The following PMM1 variants were observed in gnomAD, a reference collection of about 807,000 sequenced individuals.
The protein encoded by PMM1 is brain glucose-1,6-bisphosphatase.
PMM1 carries 25 observed loss-of-function variants against 34.0 expected under a neutral mutation model. That is an observed-to-expected ratio of 0.73 (90% CI 0.54 to 1.03). The LOEUF is 1.03. Ranked by LOEUF, PMM1 falls within the 50% of genes least tolerant of loss-of-function variation. The probability of loss-of-function intolerance (pLI) is 0.00; values close to 1 mark genes in which losing one functional copy is unlikely to be tolerated. For missense variants in PMM1, 321 were observed against 350.1 expected, an observed-to-expected ratio of 0.92 and a Z score of 0.66; for synonymous variants, 134 against 143.9, an observed-to-expected ratio of 0.93 and a Z score of 0.49.
intron 1 of PMM1, 71 bp downstream of exon 1, chr22:41,589,648 G>C (rs1224078992): frequency 3.8e-6 from 5 of 1,319,232 alleles, no homozygotes; most frequent in Middle Eastern, 2.2e-4. Context: ...CGCTGCTGCA[G>C]ACCCCACACT....
Position 41,577,367 on chromosome 22 carries a change from A to G in PMM1, c.740T>C (p.Val247Ala). The change falls in exon 8 of 8, where the codon GTG becomes GCG. Residue 247 changes from valine (V) to alanine (A), a missense_variant. Transcript: ENST00000216259. ...GHSVVSPQDT[V>A]QRCREIFFPE... ...GAAGAAAATCTCCCGGCATCGCTGC[A>G]CCGTGTCCTGAGGAGACACCACGCT... 6.2e-7 allele frequency: 1 copy of G among 1,612,984 alleles called. No homozygotes were observed. The highest frequency in any genetic ancestry group is 8.5e-7 in the Non-Finnish European group (1 of 1,180,012).
At chr22:41,588,605 A>T (rs2067340755) in intron 1 of PMM1, 1 of 963,170 alleles carries the variant, frequency 1.0e-6, no homozygotes, top group Non-Finnish European at 1.2e-6. Flanking sequence ...TCTGCCCACC[A>T]TGGCCTCCCA....
At chr22:41,580,004 C>T (rs2067224024) in intron 5 of PMM1, 1 of 152,364 alleles carries the variant, frequency 6.6e-6, no homozygotes, top group Admixed American at 6.5e-5. Context: ...GGTAGGTGGG[C>T]CCCAGGGAGG....
chr22:41,587,795 G>A (rs945453586), intron 1 of PMM1, among the ~76,000 whole-genome samples: 13 of 152,270 alleles, frequency 8.5e-5, no homozygotes, highest in African/African-American at 2.6e-4. Context: ...TTGGGGAGCC[G>A]GCCAGGCTCC....
chr22:41,580,017 A>G (rs2067224441), intron 5 of PMM1: 1 of 152,362 alleles, frequency 6.6e-6, no homozygotes, highest in Admixed American at 6.5e-5. Context: ...CAGGGAGGCC[A>G]GAGTCCCCAC....
chr22:41,582,403 G>T (rs963330767), intron 5 of PMM1, among the ~76,000 whole-genome samples: 1 of 152,104 alleles, frequency 6.6e-6, no homozygotes, highest in African/African-American at 2.4e-5. Context: ...AGGCTGCAGT[G>T]AGCTAGGACT....
intron 2 of PMM1, chr22:41,585,551 G>A (rs2067298583): frequency 6.6e-6 from 1 of 152,098 alleles, no homozygotes; most frequent in South Asian, 2.1e-4. Flanking sequence ...GAGTGCAGTG[G>A]CCTGATCTTG....
In PMM1 at chr22:41,584,558, T is replaced by C; in HGVS notation, c.251A>G (p.Gln84Arg). ...GGAGAGCAGTCGTCCGTGCTTATAC[T>C]GCACCGTCCCGTTCTCGGCAAACAC... ...DYVFAENGTV[Q>R]YKHGRLLSKQ... is the part of the protein sequence containing the mutation. Residue 84 changes from glutamine to arginine, a missense_variant, in exon 3 of 8, where the codon CAG becomes CGG. Coordinates refer to ENST00000216259, the MANE Select transcript of PMM1 (RefSeq NM_002676.3). The C allele has an allele frequency of 6.2e-7, 1 of 1,613,996 alleles. No individual in the cohort carries two copies. The highest frequency in any genetic ancestry group is 8.5e-7 in the Non-Finnish European group (1 of 1,179,948).
Position 41,584,316 on chromosome 22 carries a change from G to A in PMM1, c.339C>T (p.Leu113=), listed in dbSNP as rs149246765. 5.0e-6 allele frequency: 8 copies of A among 1,614,040 alleles called. No homozygotes were observed. Among genetic ancestry groups the A allele is most frequent in the Admixed American group, 1.7e-5 (1 of 60,000 alleles). ...ELLQDLINFC[L]SYMALLRLPK... is the part of the protein sequence containing the mutation. ...GCAGCCTGAGCAGGGCCATGTAGCT[G>A]AGGCAGAAGTTGATCAAGTCCTGCA... is the stretch of plus-strand genomic sequence containing the variant. The change falls in exon 4 of 8, where the codon CTC becomes CTT. Residue 113 remains leucine, a synonymous_variant. Coordinates refer to ENST00000216259, the MANE Select transcript of PMM1 (RefSeq NM_002676.3).
intron 1 of PMM1, among the ~76,000 whole-genome samples, chr22:41,588,023 C>T (rs2067331882): frequency 6.6e-6 from 1 of 152,224 alleles, no homozygotes; most frequent in Admixed American, 6.5e-5. Flanking sequence ...TGCCTAGGCC[C>T]TGCCACTTTT....
At chr22:41,586,269 C>T in intron 1 of PMM1, 76 bp from the exon 2 acceptor site, 1 of 1,583,146 alleles carries the variant, frequency 6.3e-7, no homozygotes, top group Non-Finnish European at 8.5e-7. Context: ...TCACTTAGTG[C>T]TGAGAACCCA....
chr22:41,578,562 T>TG (rs1254912769), intron 6 of PMM1, among the ~76,000 whole-genome samples: 1 of 152,086 alleles, frequency 6.6e-6, no homozygotes, highest in Non-Finnish European at 1.5e-5. Flanking sequence ...GGAGAGGCTC[T>TG]GGTTTTTTGG....
intron 1 of PMM1, chr22:41,586,471 AT>A (rs1555898795): frequency 1.2e-5 from 5 of 423,378 alleles, no homozygotes; most frequent in Non-Finnish European, 2.0e-5. Flanking sequence ...GAAAAAAAAA[AT>A]TTTTTTGGAG....
chr22:41,583,422 C>T (rs1050047139), intron 5 of PMM1, among the ~76,000 whole-genome samples: 8 of 152,112 alleles, frequency 5.3e-5, no homozygotes, highest in Non-Finnish European at 8.8e-5. Flanking sequence ...GTGGGAGTTG[C>T]AGTGAGCTGA....
chr22:41,587,484 C>T (rs2067325207), intron 1 of PMM1, among the ~76,000 whole-genome samples: 2 of 150,040 alleles, frequency 1.3e-5, no homozygotes, highest in Non-Finnish European at 1.5e-5. Flanking sequence ...CATGGTGGCA[C>T]TTGCCTGTAG....
intron 1 of PMM1, among the ~76,000 whole-genome samples, chr22:41,587,441 CA>C (rs56954860): frequency 0.43 from 32,762 of 76,858 alleles, 5,519 homozygotes; most frequent in African/African-American, 0.59. Context: ...ATTTCATCTC[CA>C]AAAAAAAAAA....
intron 5 of PMM1, among the ~76,000 whole-genome samples, chr22:41,583,093 G>T (rs996252200): frequency 6.6e-6 from 1 of 152,030 alleles, no homozygotes; most frequent in Non-Finnish European, 1.5e-5. Context: ...CATAGCAGGG[G>T]GCTAGGACAT....
At chr22:41,589,295 G>A (rs1337585817) in intron 1 of PMM1, 2 of 447,924 alleles carry the variant, frequency 4.5e-6, no homozygotes, top group Non-Finnish European at 8.8e-6. Context: ...TTGGCTGTGT[G>A]CTTGTGTGCC....
At chr22:41,577,622 C>T in intron 7 of PMM1, 182 bp from the exon 8 acceptor site, 1 of 814,788 alleles carries the variant, frequency 1.2e-6, no homozygotes, top group Non-Finnish European at 1.9e-6. Context: ...CTCTTGGGGC[C>T]CCAGCTTTCC....
Sources: allele counts gnomAD v4.1 joint callset (sites outside exome capture counted in the v4.1 genomes callset), GRCh38; gene constraint gnomAD v4.1.1; transcripts MANE v1.5; gene names NCBI Gene and HGNC (gene_info 2026-07-23, HGNC 2026-07-21).